NTRK3: variants seen among roughly 807,000 people sequenced by gnomAD.
NTRK3 encodes NT-3 growth factor receptor.
Under a neutral mutation model 91.7 loss-of-function variants are expected in NTRK3, and 24 were observed. That is an observed-to-expected ratio of 0.26 (90% CI 0.19 to 0.37). NTRK3 has a LOEUF of 0.37. Ranked by LOEUF, NTRK3 falls within the 10% of genes least tolerant of loss-of-function variation. The probability of loss-of-function intolerance (pLI) is 1.00; values close to 1 mark genes in which losing one functional copy is unlikely to be tolerated. For missense variants in NTRK3, 880 were observed against 1,068.9 expected (o/e 0.82, Z 2.46); for synonymous variants, 483 against 404.0 (o/e 1.20, Z -2.34).
chr15:87,937,901 C>T (rs1250427420), intron 15 of NTRK3, among the ~76,000 whole-genome samples: 1 of 151,142 alleles, frequency 6.6e-6, no homozygotes, highest in African/African-American at 2.4e-5. Flanking sequence ...GATAAAACCA[C>T]ATGAAGAATT....
intron 15 of NTRK3, among the ~76,000 whole-genome samples, chr15:87,934,270 CA>C (rs1002745504): frequency 6.6e-6 from 1 of 152,048 alleles, no homozygotes; most frequent in Non-Finnish European, 1.5e-5. Flanking sequence ...AAATGGGGCC[CA>C]ACATTGAGTT....
chr15:88,022,076 T>C (rs2077638915), intron 14 of NTRK3, among the ~76,000 whole-genome samples: 1 of 152,148 alleles, frequency 6.6e-6, no homozygotes, highest in Admixed American at 6.5e-5. Flanking sequence ...GTGACTTATT[T>C]GATGGGTGAT....
At chr15:88,193,980 C>T (rs1484724212) in intron 3 of NTRK3, among the ~76,000 whole-genome samples, 2 of 152,164 alleles carry the variant, frequency 1.3e-5, no homozygotes, top group African/African-American at 2.4e-5. Context: ...AGTTTGTCTT[C>T]GATCCTACTA....
At chr15:87,913,261 G>T (rs142963446) in intron 17 of NTRK3, among the ~76,000 whole-genome samples, 97 of 151,934 alleles carry the variant, frequency 6.4e-4, no homozygotes, top group Non-Finnish European at 1.3e-3. Flanking sequence ...AAGCAGATCC[G>T]CCTGGCAAAC....
intron 13 of NTRK3, among the ~76,000 whole-genome samples, chr15:88,043,414 A>G (rs1043022629): frequency 1.3e-5 from 2 of 152,194 alleles, no homozygotes; most frequent in African/African-American, 4.8e-5. Flanking sequence ...CTCAAAATAG[A>G]GACATTTATT....
At chr15:87,869,310 G>A (rs1048223374) in exon 19 of NTRK3, 2 of 230,284 alleles carry the variant, frequency 8.7e-6, no homozygotes, top group Admixed American at 5.7e-5. Flanking sequence ...GGGCCACCAC[G>A]GGTTCCAGAT....
chr15:87,915,396 C>T (rs2067377061), intron 17 of NTRK3, among the ~76,000 whole-genome samples: 1 of 152,202 alleles, frequency 6.6e-6, no homozygotes. Flanking sequence ...GGTTTTAATT[C>T]TGAAGACCTT....
At chr15:88,036,733 C>T (rs981462009) in intron 13 of NTRK3, among the ~76,000 whole-genome samples, 1 of 152,182 alleles carries the variant, frequency 6.6e-6, no homozygotes, top group African/African-American at 2.4e-5. Flanking sequence ...AGACTACTTG[C>T]TTTATTAGAA....
chr15:88,134,969 C>T (rs2041733894), intron 10 of NTRK3, 132 bp downstream of exon 10: 1 of 1,092,078 alleles, frequency 9.2e-7, no homozygotes, highest in Non-Finnish European at 1.4e-6. Flanking sequence ...TGCACATGTT[C>T]CAGTGTGTGT....
intron 13 of NTRK3, among the ~76,000 whole-genome samples, chr15:88,077,657 G>A (rs1161751429): frequency 1.3e-5 from 2 of 152,100 alleles, no homozygotes; most frequent in African/African-American, 4.8e-5. Flanking sequence ...AACACAGTAG[G>A]GGTACTCAAC....
chr15:88,017,981 G>C (rs1190276356), intron 14 of NTRK3, among the ~76,000 whole-genome samples: 3 of 152,146 alleles, frequency 2.0e-5, no homozygotes, highest in Non-Finnish European at 4.4e-5. Flanking sequence ...CTAGGTCTGG[G>C]GACAGAAGCT....
At chr15:88,043,301 T>C (rs1398690389) in intron 13 of NTRK3, among the ~76,000 whole-genome samples, 1 of 152,220 alleles carries the variant, frequency 6.6e-6, no homozygotes, top group Non-Finnish European at 1.5e-5. Flanking sequence ...GTGACTGGAA[T>C]ACAAAATGCT....
intron 13 of NTRK3, among the ~76,000 whole-genome samples, chr15:88,075,577 G>GAA (rs58232153): frequency 0.15 from 22,705 of 152,000 alleles, 2,714 homozygotes; most frequent in African/African-American, 0.34. Context: ...CTCCAAAGGA[G>GAA]AAGTCTCCCT....
rs115268907 is a variant in NTRK3 at position 88,254,166 on chromosome 15, C to A, written c.248+1740G>T. ...CTTCTGAGCACCAAGACTGGCTGCT[C>A]AGCTCCCACCTTCACCAGCACCCTA... is the stretch of plus-strand genomic sequence containing the variant. On this transcript the variant is annotated intron_variant, in intron 3 of 18. Transcript: ENST00000394480. 2.3e-3 allele frequency among the ~76,000 whole-genome samples: 345 copies of A among 152,250 alleles called. 1 individual carries two copies. The highest frequency in any genetic ancestry group is 8.0e-3 in the African/African-American group (334 of 41,556).
chr15:88,094,400 C>T (rs959786521), intron 13 of NTRK3, among the ~76,000 whole-genome samples: 28 of 135,488 alleles, frequency 2.1e-4, no homozygotes, highest in African/African-American at 6.4e-4. Flanking sequence ...ACCCGGGAAG[C>T]GGAGCTTGCA....
At chr15:88,107,707 G>A (rs894326106) in intron 13 of NTRK3, among the ~76,000 whole-genome samples, 3 of 152,118 alleles carry the variant, frequency 2.0e-5, no homozygotes, top group Admixed American at 6.5e-5. Context: ...GTCTAATTGG[G>A]AAGAATGGAT....
intron 3 of NTRK3, among the ~76,000 whole-genome samples, chr15:88,219,398 G>T (rs1301481205): frequency 6.6e-6 from 1 of 152,256 alleles, no homozygotes; most frequent in African/African-American, 2.4e-5. Context: ...CAGCTGGAAT[G>T]CTGCAACTGA....
chr15:87,907,602 A>C (rs1214993073), intron 17 of NTRK3, among the ~76,000 whole-genome samples: 1 of 152,164 alleles, frequency 6.6e-6, no homozygotes, highest in Non-Finnish European at 1.5e-5. Flanking sequence ...TGTCAGTGTT[A>C]GGAAGCAGCC....
At chr15:87,957,373 C>T (rs1266121378) in intron 14 of NTRK3, among the ~76,000 whole-genome samples, 2 of 151,958 alleles carry the variant, frequency 1.3e-5, no homozygotes, top group African/African-American at 4.8e-5. Context: ...CATCTACACA[C>T]TACATCCCTG....
Sources: gnomAD v4.1 joint callset for allele counts (sites outside exome capture counted in the v4.1 genomes callset) on GRCh38, gnomAD v4.1.1 for gene constraint, MANE v1.5 for transcripts, NCBI Gene and HGNC (gene_info 2026-07-23, HGNC 2026-07-21) for gene names.